The following ARHGEF33 variants were observed in gnomAD, a reference collection of about 807,000 sequenced individuals.
The protein encoded by ARHGEF33 is Rho guanine nucleotide exchange factor 33.
A neutral mutation model predicts 101.9 loss-of-function variants in ARHGEF33; 72 were observed. The ratio of observed to expected loss-of-function variants is 0.71; its 90% CI spans 0.58 to 0.86. ARHGEF33 has a LOEUF of 0.86. Ranked by LOEUF, ARHGEF33 falls within the 40% of genes least tolerant of loss-of-function variation. The probability of loss-of-function intolerance (pLI) is 0.00; values close to 1 mark genes in which losing one functional copy is unlikely to be tolerated. For missense variants in ARHGEF33, 1,169 were observed against 1,111.3 expected, an observed-to-expected ratio of 1.05 and a Z score of -0.74; for synonymous variants, 499 against 442.5, an observed-to-expected ratio of 1.13 and a Z score of -1.60.
Position 38,960,319 on chromosome 2 carries a change from C to T in ARHGEF33, c.2014C>T (p.Pro672Ser), listed in dbSNP as rs1667888690. The change falls in exon 16 of 18, where the codon CCG becomes TCG. Residue 672 changes from proline to serine, a missense_variant. By Grantham distance (74) the Pro-to-Ser change is moderately conservative. Transcript: ENST00000409978. Reference protein sequence around the residue: ...FAMEAERPEHPLQPLPKSATS... With the variant: ...FAMEAERPEHSLQPLPKSATS... ...CATGGAGGCCGAGCGGCCGGAGCACCCGCTGCAGCCGCTGCCCAAGAGCGC... is the reference window on the plus strand; with the variant it reads ...CATGGAGGCCGAGCGGCCGGAGCACTCGCTGCAGCCGCTGCCCAAGAGCGC... 1 of 1,541,638 alleles carries T rather than the reference C, an allele frequency of 6.5e-7. No individual in the cohort carries two copies. The highest frequency in any genetic ancestry group is 1.4e-5 in the African/African-American group (1 of 72,888).
chr2:38,919,329 C>A, intron 2 of ARHGEF33, 34 bp from the exon 3 acceptor site: 2 of 1,010,754 alleles, frequency 2.0e-6, no homozygotes, highest in Non-Finnish European at 3.0e-6. Context: ...GACAGTTTTA[C>A]TTGTTATCCC....
At chr2:38,895,485 C>T (rs1901289) in intron 1 of ARHGEF33, among the ~76,000 whole-genome samples, 86,119 of 151,922 alleles carry the variant, frequency 0.57, 26,180 homozygotes, top group East Asian at 0.82. Context: ...TTGGAGTTCT[C>T]GAGCTATGTT....
At chr2:38,923,798 A>G (rs1389326660) in intron 4 of ARHGEF33, among the ~76,000 whole-genome samples, 2 of 152,190 alleles carry the variant, frequency 1.3e-5, no homozygotes, top group Non-Finnish European at 2.9e-5. Context: ...TTCATACCCT[A>G]ATCAAAACAA....
In ARHGEF33 at chr2:38,931,139, G is replaced by T. The variant is rs1254575312; in HGVS notation, c.393G>T (p.Gln131His). ...KKTQKEEHSSQAGPAQAQGSP... is the reference protein window; with the variant it reads ...KKTQKEEHSSHAGPAQAQGSP... The stretch of plus-strand genomic sequence containing the variant: ...CTCAAAAAGAAGAGCACAGCTCACA[G>T]GCCGGGCCTGCCCAAGCACAAGGAA... The change falls in exon 7 of 18, where the codon CAG becomes CAT. Residue 131 changes from glutamine (Q) to histidine (H), a missense_variant. Gln to His is a conservative substitution (Grantham distance 24). Coordinates refer to ENST00000409978, the MANE Select transcript of ARHGEF33 (RefSeq NM_001145451.5). 1 of 1,551,478 alleles carries T rather than the reference G, an allele frequency of 6.4e-7. No homozygotes were observed. The highest frequency in any genetic ancestry group is 1.2e-5 in the South Asian group (1 of 84,032).
At position 38,960,138 on chromosome 2, in the gene ARHGEF33, G is replaced by A. The variant is rs1340270478; in HGVS notation, c.1833G>A (p.Ala611=). 2.6e-6 allele frequency: 4 copies of A among 1,542,696 alleles called. No homozygotes were observed. The highest frequency in any genetic ancestry group is 2.6e-6 in the Non-Finnish European group (3 of 1,145,494). The part of the protein sequence containing the change: ...LLPDARGFVP[A]AYEEFEYGGE... Reference sequence around the variant, plus strand: ...CCGATGCCCGCGGCTTCGTGCCCGCGGCCTACGAAGAGTTCGAGTACGGCG... The same window carrying A: ...CCGATGCCCGCGGCTTCGTGCCCGCAGCCTACGAAGAGTTCGAGTACGGCG... Residue 611 remains alanine, a synonymous_variant, in exon 16 of 18, where the codon GCG becomes GCA. Transcript: ENST00000409978.
intron 4 of ARHGEF33, among the ~76,000 whole-genome samples, chr2:38,924,525 C>G (rs577673551): frequency 6.6e-6 from 1 of 152,328 alleles, no homozygotes; most frequent in Admixed American, 6.5e-5. Context: ...TAGCCCAACA[C>G]TCATACTAAT....
At chr2:38,963,153 A>G (rs546387178) in intron 16 of ARHGEF33, among the ~76,000 whole-genome samples, 1 of 152,208 alleles carries the variant, frequency 6.6e-6, no homozygotes, top group East Asian at 1.9e-4. Context: ...TGCATGTCTA[A>G]GTATATATAT....
At chr2:38,931,007 TA>T in intron 6 of ARHGEF33, 101 bp from the exon 7 acceptor site, 1 of 909,692 alleles carries the variant, frequency 1.1e-6, no homozygotes, top group Non-Finnish European at 1.6e-6. Flanking sequence ...TAGTTCAACC[TA>T]ATAATTCAGA....
intron 17 of ARHGEF33, chr2:38,969,690 G>C (rs1558447943): frequency 6.5e-6 from 1 of 154,488 alleles, no homozygotes; most frequent in Non-Finnish European, 1.5e-5. Flanking sequence ...TCCCTGAAAG[G>C]TATCCATAAT....
At chr2:38,959,268 G>T (rs1035679710) in intron 15 of ARHGEF33, 1 of 152,168 alleles carries the variant, frequency 6.6e-6, no homozygotes, top group South Asian at 2.1e-4. Flanking sequence ...GGAAGTTTGA[G>T]ATTAATTATA....
intron 2 of ARHGEF33, among the ~76,000 whole-genome samples, chr2:38,902,166 C>T (rs986289909): frequency 6.6e-6 from 1 of 150,938 alleles, no homozygotes; most frequent in Non-Finnish European, 1.5e-5. Flanking sequence ...AAACAACTAG[C>T]ATGGTTCTTG....
chr2:38,915,619 G>T (rs900735411), intron 2 of ARHGEF33, among the ~76,000 whole-genome samples: 3 of 151,646 alleles, frequency 2.0e-5, no homozygotes, highest in Non-Finnish European at 4.4e-5. Context: ...CTATCCACCT[G>T]CCTCGGCCTC....
intron 2 of ARHGEF33, among the ~76,000 whole-genome samples, chr2:38,915,462 G>C (rs1234885726): frequency 6.9e-6 from 1 of 144,358 alleles, no homozygotes; most frequent in African/African-American, 2.6e-5. Flanking sequence ...TCGGCTCACT[G>C]CAATCTCTGC....
chr2:38,959,343 A>G (rs1455306595), intron 15 of ARHGEF33: 1 of 152,524 alleles, frequency 6.6e-6, no homozygotes, highest in African/African-American at 2.4e-5. Context: ...AAATTTACAT[A>G]GAAGAGTTCA....
chr2:38,966,424 G>C (rs959548421), intron 17 of ARHGEF33, among the ~76,000 whole-genome samples: 2 of 152,166 alleles, frequency 1.3e-5, no homozygotes, highest in Non-Finnish European at 2.9e-5. Context: ...GGCAGAGGTG[G>C]TTCCCTTGAG....
chr2:38,893,157 C>CTTTTT (rs11302987), intron 1 of ARHGEF33, among the ~76,000 whole-genome samples: 4 of 122,302 alleles, frequency 3.3e-5, no homozygotes, highest in Non-Finnish European at 3.7e-5. Context: ...TCTGGTAATC[C>CTTTTT]TTTTTTTTTT....
intron 17 of ARHGEF33, chr2:38,969,559 G>C (rs1668123201): frequency 5.9e-6 from 1 of 169,152 alleles, no homozygotes; most frequent in South Asian, 2.0e-4. Context: ...TCAAAAGGGA[G>C]AGTCAAGTTG....
At chr2:38,914,747 G>C (rs911505465) in intron 2 of ARHGEF33, among the ~76,000 whole-genome samples, 2 of 151,486 alleles carry the variant, frequency 1.3e-5, no homozygotes, top group Non-Finnish European at 2.9e-5. Context: ...ATGTGAGAGT[G>C]AGATGCAGAG....
At chr2:38,904,224 G>A (rs1309627274) in intron 2 of ARHGEF33, among the ~76,000 whole-genome samples, 2 of 152,164 alleles carry the variant, frequency 1.3e-5, no homozygotes, top group Non-Finnish European at 2.9e-5. Context: ...GAATGAGTAA[G>A]GATTTGTCCA....
Sources: allele counts gnomAD v4.1 joint callset (sites outside exome capture counted in the v4.1 genomes callset), GRCh38; gene constraint gnomAD v4.1.1; transcripts MANE v1.5; gene names NCBI Gene and HGNC (gene_info 2026-07-23, HGNC 2026-07-21).